The following STAB2 variants were observed in gnomAD, a reference collection of about 807,000 sequenced individuals.
STAB2 encodes the protein stabilin-2.
A neutral mutation model predicts 338.1 loss-of-function variants in STAB2; 288 were observed. The observed-to-expected ratio is 0.85, with a 90% CI of 0.77 to 0.94. The LOEUF (loss-of-function observed/expected upper bound fraction) is 0.94, where lower values mean the gene tolerates loss of function less well. Ranked by LOEUF, STAB2 falls within the 40% of genes least tolerant of loss-of-function variation. The probability of loss-of-function intolerance (pLI) is 0.00; values close to 1 mark genes in which losing one functional copy is unlikely to be tolerated. For synonymous variants in STAB2, 1,202 were observed against 1,193.3 expected (o/e 1.01, Z -0.15); for missense variants, 3,141 against 3,210.1 (o/e 0.98, Z 0.52).
intron 12 of STAB2, among the ~76,000 whole-genome samples, chr12:103,653,903 A>AC (rs1873977203): frequency 6.8e-6 from 1 of 147,694 alleles, no homozygotes; most frequent in Non-Finnish European, 1.5e-5. Context: ...GGATGCATGG[A>AC]TAGGTGGATG....
At chr12:103,647,450 T>C (rs908718167) in intron 9 of STAB2, among the ~76,000 whole-genome samples, 1 of 152,212 alleles carries the variant, frequency 6.6e-6, no homozygotes, top group Non-Finnish European at 1.5e-5. Flanking sequence ...GTTCCCTGCA[T>C]CTCTCCTCTC....
intron 63 of STAB2, among the ~76,000 whole-genome samples, chr12:103,757,542 C>T (rs1403266271): frequency 1.3e-5 from 2 of 152,188 alleles, no homozygotes; most frequent in Non-Finnish European, 2.9e-5. Flanking sequence ...TTGGGGGGCA[C>T]CCCAGGGTCC....
chr12:103,694,864 T>C (rs979593522), intron 31 of STAB2, among the ~76,000 whole-genome samples: 2 of 152,026 alleles, frequency 1.3e-5, no homozygotes. Flanking sequence ...AATGCCCAGA[T>C]AGATCAGATG....
intron 58 of STAB2, among the ~76,000 whole-genome samples, chr12:103,748,599 C>CACAT (rs1883279281): frequency 2.6e-5 from 1 of 38,516 alleles, no homozygotes; most frequent in African/African-American, 1.1e-4. Context: ...CACACACACA[C>CACAT]ACACATACAC....
intron 44 of STAB2, among the ~76,000 whole-genome samples, chr12:103,720,202 A>T (rs187466025): frequency 6.6e-6 from 1 of 152,310 alleles, no homozygotes; most frequent in African/African-American, 2.4e-5. Context: ...CAATTCTTCC[A>T]TGGGCCATTC....
chr12:103,683,186 T>A lies in STAB2; in HGVS notation c.2806-19T>A, dbSNP rs552762691. 2 of 1,607,112 alleles carry A rather than the reference T, an allele frequency of 1.2e-6. No individual in the cohort carries two copies. Among genetic ancestry groups the A allele is most frequent in the African/African-American group, 2.7e-5 (2 of 74,808 alleles). On this transcript the variant is annotated intron_variant, in intron 25 of 68. Coordinates refer to ENST00000388887, the MANE Select transcript of STAB2 (RefSeq NM_017564.10). Reference sequence around the variant, plus strand: ...ACTTGCTTTCAATAATCCACTTGACTCTGTTCTTAAAATTATAGAATGAGT... The same window carrying A: ...ACTTGCTTTCAATAATCCACTTGACACTGTTCTTAAAATTATAGAATGAGT...
chr12:103,682,955 GATAA>G lies in STAB2; in HGVS notation c.2806-242_2806-239del, dbSNP rs1303488549. 5.3e-5 allele frequency among the ~76,000 whole-genome samples: 8 copies of G among 150,292 alleles called. No individual in the cohort carries two copies. The East Asian group carries it at 5.9e-4, about 11-fold the overall frequency. ...AGAGTGAGACTCCATCTCAAAAAAA[GATAA>G]ATAAATATATAAATAAATTCAGGAA... On this transcript the variant is annotated intron_variant, in intron 25 of 68. Coordinates refer to ENST00000388887, the MANE Select transcript of STAB2 (RefSeq NM_017564.10).
At chr12:103,625,846 T>A (rs1957373285) in intron 5 of STAB2, among the ~76,000 whole-genome samples, 1 of 152,226 alleles carries the variant, frequency 6.6e-6, no homozygotes, top group African/African-American at 2.4e-5. Context: ...TATAGCAGCA[T>A]GATTTATAAT....
chr12:103,616,393 G>A (rs1190702518), intron 3 of STAB2, among the ~76,000 whole-genome samples: 1 of 152,192 alleles, frequency 6.6e-6, no homozygotes. Context: ...AAGGAATGGA[G>A]AGAAAGGCCT....
intron 23 of STAB2, among the ~76,000 whole-genome samples, 159 bp from the exon 24 acceptor site, chr12:103,675,769 A>G (rs1160889127): frequency 6.6e-6 from 1 of 152,208 alleles, no homozygotes. Context: ...CTGATTACAG[A>G]TCCCAGAAGT....
intron 3 of STAB2, among the ~76,000 whole-genome samples, chr12:103,605,499 A>C (rs183340921): frequency 1.0e-3 from 158 of 152,080 alleles, no homozygotes; most frequent in South Asian, 6.2e-3. Context: ...TTTTATAAGA[A>C]ATATGATTCA....
chr12:103,687,331 A>AT (rs1386594166), intron 27 of STAB2, among the ~76,000 whole-genome samples: 2 of 151,570 alleles, frequency 1.3e-5, no homozygotes, highest in Non-Finnish European at 2.9e-5. Flanking sequence ...GTTTAGAGAC[A>AT]TTAAAAAAAA....
chr12:103,664,357 G>T (rs576304915), intron 18 of STAB2, among the ~76,000 whole-genome samples: 4 of 152,118 alleles, frequency 2.6e-5, no homozygotes, highest in Non-Finnish European at 4.4e-5. Flanking sequence ...TGTTCACCAG[G>T]ATGGTCTCAA....
chr12:103,639,009 C>G (rs1421328633), intron 8 of STAB2, among the ~76,000 whole-genome samples: 1 of 152,188 alleles, frequency 6.6e-6, no homozygotes, highest in African/African-American at 2.4e-5. Flanking sequence ...CCAACCTTGC[C>G]TCCAAAGAGA....
chr12:103,737,773 A>ATGCC lies in STAB2; in HGVS notation c.5692_5695dup (p.Ser1899CysfsTer19). 1 of 1,613,496 alleles carries ATGCC rather than the reference A, an allele frequency of 6.2e-7. No individual in the cohort carries two copies. The stretch of plus-strand genomic sequence containing the variant: ...CGCTGTGACACCTTTACTACTTTCG[A>ATGCC]TGCCTCGGTCAGTCCTAAAAACAAC... On this transcript the variant is annotated frameshift_variant, in exon 53 of 69. Transcript: ENST00000388887. LOFTEE classifies it high-confidence loss of function.
intron 3 of STAB2, among the ~76,000 whole-genome samples, chr12:103,615,925 A>G (rs1957204073): frequency 6.6e-6 from 1 of 152,152 alleles, no homozygotes; most frequent in African/African-American, 2.4e-5. Flanking sequence ...CCCTTGACAC[A>G]TGGGGATTAT....
intron 9 of STAB2, among the ~76,000 whole-genome samples, chr12:103,647,706 T>C (rs561400182): frequency 2.0e-5 from 3 of 152,344 alleles, no homozygotes; most frequent in African/African-American, 7.2e-5. Context: ...ATATTAACCA[T>C]GGAAATTGGC....
intron 47 of STAB2, among the ~76,000 whole-genome samples, chr12:103,727,565 T>C (rs1881311197): frequency 6.6e-6 from 1 of 152,228 alleles, no homozygotes; most frequent in Non-Finnish European, 1.5e-5. Context: ...AGAGACTTTC[T>C]AAAGGACATT....
chr12:103,694,820 C>A (rs906098815), intron 31 of STAB2, among the ~76,000 whole-genome samples: 2 of 151,976 alleles, frequency 1.3e-5, no homozygotes, highest in Non-Finnish European at 2.9e-5. Flanking sequence ...GTGATCTTGG[C>A]CAGAAGGTTA....
Sources: allele counts gnomAD v4.1 joint callset (sites outside exome capture counted in the v4.1 genomes callset), GRCh38; gene constraint gnomAD v4.1.1; transcripts MANE v1.5; gene names NCBI Gene and HGNC (gene_info 2026-07-23, HGNC 2026-07-21).